PHIP: variants seen among roughly 807,000 people sequenced by gnomAD.
PHIP encodes the protein PH-interacting protein.
In PHIP, 54 loss-of-function variants were observed where a neutral mutation model predicts 236.8. That is an observed-to-expected ratio of 0.23 (90% CI 0.18 to 0.29). PHIP has a LOEUF of 0.29. Ranked by LOEUF, PHIP falls within the 10% of genes least tolerant of loss-of-function variation. The probability of loss-of-function intolerance (pLI) is 1.00; values close to 1 mark genes in which losing one functional copy is unlikely to be tolerated. For missense variants in PHIP, 1,370 were observed against 2,190.8 expected (o/e 0.63, Z 7.48); for synonymous variants, 756 against 718.9 (o/e 1.05, Z -0.83).
rs117650356 is a variant in PHIP at position 78,994,833 on chromosome 6, G to A, written c.2201+2581C>T. ...CACCAGCAAGAAGAGTATAATCACT[G>A]AAGGTTCAGATGGTTGTTAGCGTTT... On this transcript the variant is annotated intron_variant, in intron 19 of 39. Transcript: ENST00000275034. Among the ~76,000 whole-genome samples, 941 of 152,298 alleles carry A rather than the reference G, an allele frequency of 6.2e-3. 12 individuals are homozygous for A. Among genetic ancestry groups the A allele is most frequent in the Non-Finnish European group, 6.4e-3 (438 of 68,024 alleles).
chr6:79,034,782 T>C (rs999658378), intron 7 of PHIP, among the ~76,000 whole-genome samples: 14 of 152,182 alleles, frequency 9.2e-5, no homozygotes, highest in Admixed American at 9.2e-4. Flanking sequence ...AGTAATAAAG[T>C]AATTTACAGG....
chr6:78,982,249 A>AT (rs1413786416), intron 23 of PHIP, among the ~76,000 whole-genome samples: 2 of 152,156 alleles, frequency 1.3e-5, no homozygotes, highest in East Asian at 3.9e-4. Flanking sequence ...TTTCAACTCC[A>AT]TAAGAGCTGA....
At chr6:78,997,312 T>A (rs1769685320) in intron 19 of PHIP, 102 bp downstream of exon 19, 1 of 980,366 alleles carries the variant, frequency 1.0e-6, no homozygotes, top group South Asian at 1.6e-5. Context: ...TCCAGAAAAA[T>A]TTCAGAGGAA....
rs1773304065 is a variant in PHIP, at chr6:78,937,230, C to T, written c.*3463G>A. The T allele has an allele frequency of 6.6e-6, 1 of 151,594 alleles. No individual in the cohort carries two copies. Among genetic ancestry groups the T allele is most frequent in the Non-Finnish European group, 1.5e-5 (1 of 67,630 alleles). The allele number at this position is 151,594 out of a possible 1,614,324, so 9.4% of individuals were successfully genotyped here. ...ATTAGATAGAAAACTGAAAAAGTTG[C>T]TTCTAGCTGACATTTGAGAGAGATA... On this transcript the variant is annotated 3_prime_UTR_variant, in exon 40 of 40. Coordinates refer to ENST00000275034, the MANE Select transcript of PHIP (RefSeq NM_017934.7).
Position 79,045,820 on chromosome 6 carries a change from T to C in PHIP, c.440-2817A>G, listed in dbSNP as rs534535257. On this transcript the variant is annotated intron_variant, in intron 6 of 39. Coordinates refer to ENST00000275034, the MANE Select transcript of PHIP (RefSeq NM_017934.7). ...TTAACCTTAAATCAAGAAGCATATA[T>C]GACTTTCATTTAAAAGTACATTTAT... 3.0e-4 allele frequency among the ~76,000 whole-genome samples: 45 copies of C among 152,318 alleles called. No homozygotes were observed. The South Asian group carries it at 8.9e-3, about 30-fold the overall frequency.
intron 39 of PHIP, among the ~76,000 whole-genome samples, chr6:78,944,329 G>C (rs1000646585): frequency 6.6e-6 from 1 of 152,140 alleles, no homozygotes; most frequent in Non-Finnish European, 1.5e-5. Flanking sequence ...CTGTGTGTAC[G>C]TACACACATC....
chr6:78,954,214 G>A (rs1766249441), intron 35 of PHIP, among the ~76,000 whole-genome samples: 1 of 151,700 alleles, frequency 6.6e-6, no homozygotes, highest in South Asian at 2.1e-4. Flanking sequence ...CCATTCTCCT[G>A]CCTCAGCCTC....
At chr6:78,971,062 CA>C (rs1397473427) in intron 24 of PHIP, among the ~76,000 whole-genome samples, 174 bp from the exon 25 acceptor site, 2 of 152,116 alleles carry the variant, frequency 1.3e-5, no homozygotes, top group African/African-American at 4.8e-5. Context: ...AAATCATAAC[CA>C]AAGTGTTCTA....
intron 7 of PHIP, among the ~76,000 whole-genome samples, chr6:79,030,638 A>G (rs1319242666): frequency 6.6e-6 from 1 of 152,172 alleles, no homozygotes; most frequent in Non-Finnish European, 1.5e-5. Context: ...GCTAATGTTT[A>G]TGTGAGTAAT....
chr6:79,059,591 TTATATATATA>T lies in PHIP; in HGVS notation c.439+877_439+886del, dbSNP rs72226338. ...AGGAAACAAAAAGTTGAAAGCAAAA[TTATATATATA>T]TATATATATATATATATATATATAA... On this transcript the variant is annotated intron_variant, in intron 6 of 39. Transcript: ENST00000275034. 1.6e-3 allele frequency among the ~76,000 whole-genome samples: 138 copies of T among 84,762 alleles called. 1 individual carries two copies. Among genetic ancestry groups the T allele is most frequent in the African/African-American group, 3.8e-3 (81 of 21,152 alleles). The allele number at this position is 84,762 out of a possible 152,430, so 55.6% of individuals were successfully genotyped here.
At chr6:78,946,409 T>C (rs1046985917) in intron 37 of PHIP, 149 bp from the exon 38 acceptor site, 6 of 1,399,590 alleles carry the variant, frequency 4.3e-6, no homozygotes, top group Admixed American at 2.9e-5. Context: ...TTGTGAGCCT[T>C]TGAAAGTGAA....
Position 79,056,551 on chromosome 6 carries a change from T to C in PHIP, c.439+3927A>G, listed in dbSNP as rs576249067. On this transcript the variant is annotated intron_variant, in intron 6 of 39. Transcript: ENST00000275034. ...AGTGATAATTTTGCCCAGGAGATAT[T>C]TGGCAATGTCTGGAGACTTTTTAAA... is the stretch of plus-strand genomic sequence containing the variant. Among the ~76,000 whole-genome samples, 9 of 152,216 alleles carry C rather than the reference T, an allele frequency of 5.9e-5. No homozygotes were observed. In the South Asian group the frequency reaches 6.2e-4, roughly 11 times the overall value.
intron 6 of PHIP, among the ~76,000 whole-genome samples, chr6:79,046,350 C>A (rs1772483006): frequency 6.6e-6 from 1 of 152,174 alleles, no homozygotes; most frequent in South Asian, 2.1e-4. Flanking sequence ...AGCAACACAG[C>A]CCCTGCCATC....
At chr6:79,022,257 G>A (rs1771156802) in intron 9 of PHIP, among the ~76,000 whole-genome samples, 1 of 152,058 alleles carries the variant, frequency 6.6e-6, no homozygotes, top group Non-Finnish European at 1.5e-5. Flanking sequence ...AGAGTTGCTG[G>A]GAGAATTAAA....
At chr6:78,988,888 T>G (rs868322280) in intron 20 of PHIP, among the ~76,000 whole-genome samples, 3 of 152,134 alleles carry the variant, frequency 2.0e-5, no homozygotes, top group South Asian at 4.2e-4. Flanking sequence ...CAGAGGCAAA[T>G]TGGAAACCAA....
chr6:78,972,463 C>T, intron 24 of PHIP, among the ~76,000 whole-genome samples: 1 of 152,162 alleles, frequency 6.6e-6, no homozygotes, highest in East Asian at 1.9e-4. Context: ...CTCTAAAAAT[C>T]AGAGCACCTC....
chr6:79,007,513 C>G (rs544607124), intron 15 of PHIP, among the ~76,000 whole-genome samples: 20 of 152,052 alleles, frequency 1.3e-4, no homozygotes, highest in Middle Eastern at 3.4e-3. Context: ...GAAGAATATA[C>G]AGAGAGTGAA....
intron 17 of PHIP, among the ~76,000 whole-genome samples, chr6:79,001,056 C>T (rs1285505217): frequency 6.6e-6 from 1 of 152,050 alleles, no homozygotes; most frequent in Non-Finnish European, 1.5e-5. Context: ...ATTTAAAAGT[C>T]ACTCAACACA....
intron 36 of PHIP, 115 bp downstream of exon 36, chr6:78,947,508 A>C: frequency 1.7e-6 from 1 of 578,990 alleles, no homozygotes; most frequent in Non-Finnish European, 3.0e-6. Flanking sequence ...GGACAACATT[A>C]AGAATGTAAC....
Sources: gnomAD v4.1 joint callset for allele counts (sites outside exome capture counted in the v4.1 genomes callset) on GRCh38, gnomAD v4.1.1 for gene constraint, MANE v1.5 for transcripts, NCBI Gene and HGNC (gene_info 2026-07-23, HGNC 2026-07-21) for gene names.